The following EDN1 variants were observed in gnomAD, a reference collection of about 807,000 sequenced individuals.
The protein encoded by EDN1 is endothelin-1.
A neutral mutation model predicts 21.7 loss-of-function variants in EDN1; 11 were observed. The ratio of observed to expected loss-of-function variants is 0.51; its 90% CI spans 0.32 to 0.84. EDN1 has a LOEUF of 0.84. Ranked by LOEUF, EDN1 falls within the 40% of genes least tolerant of loss-of-function variation. EDN1 has a pLI of 0.03. For missense variants in EDN1, 244 were observed against 262.3 expected (o/e 0.93, Z 0.48); for synonymous variants, 85 against 90.6 (o/e 0.94, Z 0.35).
At chr6:12,279,200 G>T in the EDN1 span, among the ~76,000 whole-genome samples, 16 of 152,138 alleles carry the variant, frequency 1.1e-4, no homozygotes, top group Non-Finnish European at 1.6e-4. Flanking sequence ...TAAGGAGATA[G>T]GAATTGTGTA....
chr6:12,292,566 A>C, intron 2 of EDN1, 57 bp downstream of exon 2: 3 of 1,604,684 alleles, frequency 1.9e-6, no homozygotes, highest in Non-Finnish European at 2.6e-6. Context: ...GCTCCACTGG[A>C]GCCCAGTTTT....
the EDN1 span, among the ~76,000 whole-genome samples, chr6:12,233,219 C>T: frequency 6.6e-5 from 10 of 152,312 alleles, no homozygotes; most frequent in African/African-American, 2.4e-4. Flanking sequence ...TAGCTCTGTC[C>T]TCCTACCTTT....
the EDN1 span, among the ~76,000 whole-genome samples, chr6:12,278,705 T>A: frequency 6.6e-6 from 1 of 152,234 alleles, no homozygotes; most frequent in East Asian, 1.9e-4. Flanking sequence ...CTGACCAGCC[T>A]GGTCAACATG....
chr6:12,291,434 G>A (rs996223013), intron 1 of EDN1, among the ~76,000 whole-genome samples: 14 of 152,116 alleles, frequency 9.2e-5, no homozygotes, highest in Admixed American at 2.0e-4. Flanking sequence ...GCATCTGCCC[G>A]GGTCCCCCCC....
chr6:12,253,866 T>A, the EDN1 span, among the ~76,000 whole-genome samples: 8 of 152,128 alleles, frequency 5.3e-5, no homozygotes, highest in African/African-American at 1.9e-4. Context: ...GCACACCCAA[T>A]CTACCGCCCG....
the EDN1 span, among the ~76,000 whole-genome samples, chr6:12,238,536 G>A: frequency 3.3e-5 from 5 of 152,216 alleles, no homozygotes; most frequent in Non-Finnish European, 7.3e-5. Flanking sequence ...GCTGTGAAAT[G>A]TATGGAGGCG....
chr6:12,295,937 GT>G (rs1392776313), intron 4 of EDN1, 24 bp from the exon 5 acceptor site: 4 of 1,607,990 alleles, frequency 2.5e-6, no homozygotes, highest in Non-Finnish European at 3.4e-6. Context: ...AATAACATTT[GT>G]TTTCTCTTAT....
chr6:12,251,881 C>T, the EDN1 span, among the ~76,000 whole-genome samples: 2 of 152,326 alleles, frequency 1.3e-5, no homozygotes, highest in South Asian at 2.1e-4. Context: ...AATCCACCCT[C>T]TTAAACCTTT....
intron 2 of EDN1, among the ~76,000 whole-genome samples, chr6:12,293,555 C>T (rs10478718): frequency 0.025 from 3,747 of 152,298 alleles, 66 homozygotes; most frequent in Non-Finnish European, 0.038. Context: ...TGCATTGAAA[C>T]CTCTTCCCAC....
the EDN1 span, among the ~76,000 whole-genome samples, chr6:12,236,053 G>T: frequency 6.6e-6 from 1 of 152,202 alleles, no homozygotes; most frequent in Non-Finnish European, 1.5e-5. Flanking sequence ...TGGTATGTCA[G>T]TCTTTTTAAA....
At chr6:12,242,843 T>G in the EDN1 span, among the ~76,000 whole-genome samples, 1 of 152,230 alleles carries the variant, frequency 6.6e-6, no homozygotes, top group Admixed American at 6.5e-5. Context: ...ACCATTATGA[T>G]TCTCATGAAG....
chr6:12,267,164 A>G, the EDN1 span, among the ~76,000 whole-genome samples: 1 of 152,166 alleles, frequency 6.6e-6, no homozygotes, highest in Non-Finnish European at 1.5e-5. Context: ...GAGCAAGTCT[A>G]TTGGCACCAT....
chr6:12,233,271 C>G, the EDN1 span, among the ~76,000 whole-genome samples: 1 of 152,180 alleles, frequency 6.6e-6, no homozygotes, highest in African/African-American at 2.4e-5. Context: ...CAGGGGTTCC[C>G]CCTAAATCCC....
At chr6:12,249,460 A>T in the EDN1 span, among the ~76,000 whole-genome samples, 2 of 151,370 alleles carry the variant, frequency 1.3e-5, no homozygotes, top group Non-Finnish European at 1.5e-5. Flanking sequence ...ATCTTCAGAG[A>T]TGTAAGGCAA....
At chr6:12,266,075 G>A in the EDN1 span, among the ~76,000 whole-genome samples, 1 of 152,142 alleles carries the variant, frequency 6.6e-6, no homozygotes, top group African/African-American at 2.4e-5. Context: ...AAGCCAGTGT[G>A]GGGGAAGATG....
At chr6:12,284,896 C>T in the EDN1 span, among the ~76,000 whole-genome samples, 1 of 152,076 alleles carries the variant, frequency 6.6e-6, no homozygotes, top group Non-Finnish European at 1.5e-5. Flanking sequence ...TTTAAAATGA[C>T]TTCACAAATT....
the EDN1 span, among the ~76,000 whole-genome samples, chr6:12,285,193 T>G: frequency 1.3e-5 from 2 of 152,180 alleles, no homozygotes; most frequent in African/African-American, 4.8e-5. Context: ...TTCAGATGTG[T>G]GCATGCATGT....
the EDN1 span, among the ~76,000 whole-genome samples, chr6:12,248,207 A>G: frequency 6.6e-6 from 1 of 152,182 alleles, no homozygotes; most frequent in Non-Finnish European, 1.5e-5. Context: ...GTGGCAGAAC[A>G]ATTAATTCTA....
chr6:12,243,816 C>T, the EDN1 span, among the ~76,000 whole-genome samples: 4 of 152,274 alleles, frequency 2.6e-5, no homozygotes, highest in East Asian at 7.7e-4. Context: ...AATTCACTAA[C>T]ATATAACATT....
Sources: allele counts gnomAD v4.1 joint callset (sites outside exome capture counted in the v4.1 genomes callset), GRCh38; gene constraint gnomAD v4.1.1; transcripts MANE v1.5; gene names NCBI Gene and HGNC (gene_info 2026-07-23, HGNC 2026-07-21).